Variants in ACSM4 observed in about 807,000 individuals in gnomAD.
ACSM4 encodes the protein acyl-CoA synthetase medium chain family member 4.
ACSM4 carries 66 observed loss-of-function variants against 73.0 expected under a neutral mutation model. That is an observed-to-expected ratio of 0.90 (90% confidence interval 0.74 to 1.11). The LOEUF (loss-of-function observed/expected upper bound fraction) is 1.11. Ranked by LOEUF, ACSM4 falls within the 50% of genes least tolerant of loss-of-function variation. The pLI is 0.00. For synonymous variants in ACSM4, 222 were observed against 254.0 expected, an observed-to-expected ratio of 0.87 and a Z score of 1.20; for missense variants, 645 against 714.4, an observed-to-expected ratio of 0.90 and a Z score of 1.11.
chr12:7,309,450 T>C (rs1946378309), intron 2 of ACSM4, among the ~76,000 whole-genome samples: 1 of 152,232 alleles, frequency 6.6e-6, no homozygotes. Context: ...GTATAGCTAC[T>C]TATGTGCTTC....
At chr12:7,320,671 G>A in intron 5 of ACSM4, 54 bp from the exon 6 acceptor site, 1 of 1,463,354 alleles carries the variant, frequency 6.8e-7, no homozygotes, top group Non-Finnish European at 9.6e-7. Flanking sequence ...ATCAGCTCTA[G>A]TCATGGCCTT....
At chr12:7,316,388 G>A (rs946818159) in intron 3 of ACSM4, among the ~76,000 whole-genome samples, 5 of 152,148 alleles carry the variant, frequency 3.3e-5, no homozygotes, top group African/African-American at 1.2e-4. Flanking sequence ...GATGGGCAGG[G>A]GAAGAAGGCT....
In ACSM4 at chr12:7,328,518, G is replaced by A. The variant is rs1946528412; in HGVS notation, c.*145G>A. 1.9e-6 allele frequency: 1 copy of A among 537,108 alleles called. No individual in the cohort carries two copies. The highest frequency in any genetic ancestry group is 4.3e-5 in the East Asian group (1 of 23,360). 33.3% of individuals were successfully genotyped at this position (537,108 alleles called of 1,614,324 possible). On this transcript the variant is annotated 3_prime_UTR_variant, in exon 13 of 13. Coordinates refer to ENST00000399422, the MANE Select transcript of ACSM4 (RefSeq NM_001080454.2). Reference sequence around the variant, plus strand: ...CTGTTGATTTTTTGGTTTTTACTTAGCTAAAAAGTTTAAAAGTAAATAAAA... The same window carrying A: ...CTGTTGATTTTTTGGTTTTTACTTAACTAAAAAGTTTAAAAGTAAATAAAA...
intron 9 of ACSM4, among the ~76,000 whole-genome samples, chr12:7,323,877 T>TA (rs1348888487): frequency 6.6e-6 from 1 of 152,120 alleles, no homozygotes; most frequent in Non-Finnish European, 1.5e-5. Flanking sequence ...AACTATCTTT[T>TA]AAAAAAATTT....
intron 1 of ACSM4, among the ~76,000 whole-genome samples, chr12:7,305,653 A>C (rs1308733827): frequency 6.6e-6 from 1 of 152,238 alleles, no homozygotes; most frequent in Non-Finnish European, 1.5e-5. Context: ...CAGGGAAGAG[A>C]CACATCTGTC....
intron 6 of ACSM4, 122 bp from the exon 7 acceptor site, chr12:7,322,296 A>G: frequency 7.3e-7 from 1 of 1,370,064 alleles, no homozygotes; most frequent in Non-Finnish European, 1.0e-6. Context: ...TATTTGTTGA[A>G]TGAACTTTGC....
Position 7,328,295 on chromosome 12 carries a change from T to G in ACSM4, c.1665T>G (p.Phe555Leu). ...APYKYPRKVE[F>L]VQELPKTITG... ...TTTTTTCTGTCAATTAGGTGGAATTTGTTCAAGAACTCCCAAAGACAATCA... is the reference window on the plus strand; with the variant it reads ...TTTTTTCTGTCAATTAGGTGGAATTGGTTCAAGAACTCCCAAAGACAATCA... The change falls in exon 13 of 13, where the codon TTT becomes TTG. Residue 555 changes from phenylalanine to leucine, a missense_variant. Physicochemically the swap from Phe to Leu is conservative, Grantham distance 22. Transcript: ENST00000399422. 2 of 1,585,008 alleles carry G rather than the reference T, an allele frequency of 1.3e-6. No homozygotes were observed. Among genetic ancestry groups the G allele is most frequent in the Middle Eastern group, 3.3e-4 (2 of 5,992 alleles).
intron 4 of ACSM4, 89 bp from the exon 5 acceptor site, chr12:7,317,937 T>G: frequency 7.0e-7 from 1 of 1,418,676 alleles, no homozygotes; most frequent in Non-Finnish European, 9.6e-7. Flanking sequence ...CCTTAAGATA[T>G]AGGGGCAAAG....
chr12:7,328,000 G>C (rs1946522135), intron 12 of ACSM4, among the ~76,000 whole-genome samples: 1 of 152,118 alleles, frequency 6.6e-6, no homozygotes, highest in Non-Finnish European at 1.5e-5. Flanking sequence ...AACAGTAGAA[G>C]CCTAGGACTA....
rs1417552145 is a variant in ACSM4 at position 7,318,161 on chromosome 12, T to G, written c.900T>G (p.Phe300Leu). ...TTTTTGTGCATCGAATGGCACAGTT[T>G]GACACTGACACCTTCCTAGACGTAA... is the stretch of plus-strand genomic sequence containing the variant. ...ACVFVHRMAQ[F>L]DTDTFLDTLT... Residue 300 changes from phenylalanine to leucine, a missense_variant, in exon 5 of 13, where the codon TTT (phenylalanine) becomes TTG (leucine). Coordinates refer to ENST00000399422, the MANE Select transcript of ACSM4 (RefSeq NM_001080454.2). 3 of 1,613,380 alleles carry G rather than the reference T, an allele frequency of 1.9e-6. No homozygotes were observed. Among genetic ancestry groups the G allele is most frequent in the African/African-American group, 1.3e-5 (1 of 74,902 alleles).
chr12:7,312,090 G>C (rs1946394253), intron 3 of ACSM4, among the ~76,000 whole-genome samples: 1 of 152,222 alleles, frequency 6.6e-6, no homozygotes, highest in Non-Finnish European at 1.5e-5. Flanking sequence ...AACAGAAACT[G>C]TATGGCCCAC....
At chr12:7,306,944 G>A (rs946334565) in intron 2 of ACSM4, among the ~76,000 whole-genome samples, 2 of 151,580 alleles carry the variant, frequency 1.3e-5, no homozygotes, top group East Asian at 3.9e-4. Flanking sequence ...TTTTGCAGAA[G>A]AGGAAACCAA....
intron 1 of ACSM4, among the ~76,000 whole-genome samples, chr12:7,305,976 T>C (rs1348703274): frequency 1.3e-5 from 2 of 152,318 alleles, no homozygotes; most frequent in East Asian, 1.9e-4. Context: ...CCCTGCTCCT[T>C]GTGACTTGTG....
Position 7,324,177 on chromosome 12 carries a change from A to T in ACSM4, c.1309-96A>T, listed in dbSNP as rs1024575104. On this transcript the variant is annotated intron_variant, in intron 9 of 12. Transcript: ENST00000399422. ...TCTCAAAAAAAAAAAAATTTCCTAT[A>T]TAAGTAGGATGTGTAATGTACTAGT... is the stretch of plus-strand genomic sequence containing the variant. 2.4e-5 allele frequency: 34 copies of T among 1,429,330 alleles called. No individual in the cohort carries two copies. In the Admixed American group the frequency reaches 8.2e-4, roughly 35 times the overall value. 88.5% of individuals were successfully genotyped at this position (1,429,330 alleles called of 1,614,324 possible).
At position 7,318,199 on chromosome 12, in the gene ACSM4, A is replaced by G; in HGVS notation, c.921+17A>G. 6.2e-7 allele frequency: 1 copy of G among 1,611,750 alleles called. No individual in the cohort carries two copies. The highest frequency in any genetic ancestry group is 8.5e-7 in the Non-Finnish European group (1 of 1,179,268). On this transcript the variant is annotated intron_variant, in intron 5 of 12. Coordinates refer to ENST00000399422, the MANE Select transcript of ACSM4 (RefSeq NM_001080454.2). ...TTCCTAGACGTAAGTCATGTCCTCC[A>G]GCTAGATAGATCTTTAGAGTTCTTC... is the stretch of plus-strand genomic sequence containing the variant.
At position 7,327,214 on chromosome 12, in the gene ACSM4, C is replaced by T; in HGVS notation, c.1656+119C>T. The T allele has an allele frequency of 3.2e-6, 4 of 1,242,854 alleles. No homozygotes were observed. The South Asian group carries it at 4.9e-5, about 15-fold the overall frequency. 77.0% of individuals were successfully genotyped at this position (1,242,854 alleles called of 1,614,324 possible). On this transcript the variant is annotated intron_variant, in intron 12 of 12. Coordinates refer to ENST00000399422, the MANE Select transcript of ACSM4 (RefSeq NM_001080454.2). The stretch of plus-strand genomic sequence containing the variant: ...CATTATATAGGTAGAAGACACTTTT[C>T]AATTTGTTTAACCCTAAGAATTTTG...
chr12:7,322,564 T>C (rs1946471928), intron 7 of ACSM4, 23 bp downstream of exon 7: 13 of 1,604,294 alleles, frequency 8.1e-6, no homozygotes, highest in Non-Finnish European at 1.0e-5. Flanking sequence ...GGCATTTATG[T>C]TTAGTATATG....
rs77303541 is a variant in ACSM4 at position 7,306,698 on chromosome 12, A to C, written c.367A>C (p.Arg123=). 2.1e-3 allele frequency: 3,443 copies of C among 1,611,890 alleles called. 65 individuals are homozygous for C. In the African/African-American group the frequency reaches 0.039, roughly 18 times the overall value. The part of the protein sequence containing the change: ...RGDRLAVILP[R]IPEWWLVNVA... ...AGACCGTTTGGCCGTGATTCTGCCCAGAATCCCTGAGTGGTGGCTGGTCAA... is the reference window on the plus strand; with the variant it reads ...AGACCGTTTGGCCGTGATTCTGCCCCGAATCCCTGAGTGGTGGCTGGTCAA... The change falls in exon 2 of 13, where the codon AGA becomes CGA. Residue 123 remains arginine, a synonymous_variant. Coordinates refer to ENST00000399422, the MANE Select transcript of ACSM4 (RefSeq NM_001080454.2).
chr12:7,327,160 T>C (rs1946513683), intron 12 of ACSM4, 65 bp downstream of exon 12: 25 of 1,467,232 alleles, frequency 1.7e-5, no homozygotes, highest in Non-Finnish European at 2.3e-5. Context: ...TAGAATTAGA[T>C]TTTACTGGAT....
Sources: allele counts gnomAD v4.1 joint callset (sites outside exome capture counted in the v4.1 genomes callset), GRCh38; gene constraint gnomAD v4.1.1; transcripts MANE v1.5; gene names NCBI Gene and HGNC (gene_info 2026-07-23, HGNC 2026-07-21).